Variants in KCNH8 observed in about 807,000 individuals in gnomAD.
KCNH8 encodes potassium voltage-gated channel subfamily H member 8.
Under a neutral mutation model 103.6 loss-of-function variants are expected in KCNH8, and 70 were observed. The ratio of observed to expected loss-of-function variants is 0.68; its 90% confidence interval spans 0.56 to 0.82. The LOEUF is 0.82. Ranked by LOEUF, KCNH8 falls within the 40% of genes least tolerant of loss-of-function variation. The pLI, the probability that KCNH8 is intolerant of heterozygous loss-of-function variation, is 0.00. For missense variants in KCNH8, 1,217 were observed against 1,329.9 expected (o/e 0.92, Z 1.32); for synonymous variants, 498 against 489.4 (o/e 1.02, Z -0.23).
intron 11 of KCNH8, among the ~76,000 whole-genome samples, chr3:19,487,846 G>T (rs1219621650): frequency 1.3e-5 from 2 of 152,148 alleles, no homozygotes; most frequent in African/African-American, 4.8e-5. Flanking sequence ...GCATGTACAA[G>T]AACTGGTGAA....
chr3:19,161,760 T>C (rs1217808084), intron 1 of KCNH8, among the ~76,000 whole-genome samples: 1 of 152,226 alleles, frequency 6.6e-6, no homozygotes. Flanking sequence ...TCTAAATTAA[T>C]AAAATGTATG....
chr3:19,462,044 T>G (rs192218479), intron 11 of KCNH8, among the ~76,000 whole-genome samples: 2 of 152,200 alleles, frequency 1.3e-5, no homozygotes, highest in Non-Finnish European at 2.9e-5. Context: ...TCTATCATTG[T>G]TGGACATTTG....
At chr3:19,490,599 T>C (rs867209135) in intron 11 of KCNH8, among the ~76,000 whole-genome samples, 3 of 152,230 alleles carry the variant, frequency 2.0e-5, no homozygotes, top group Middle Eastern at 3.4e-3. Context: ...TGGCACCGGG[T>C]TGTCTGCCTG....
chr3:19,239,685 C>CTATGTAT (rs2064113626), intron 1 of KCNH8, among the ~76,000 whole-genome samples: 1 of 127,190 alleles, frequency 7.9e-6, no homozygotes, highest in African/African-American at 3.2e-5. Context: ...TATCTATCTA[C>CTATGTAT]CTACCTACCT....
At chr3:19,332,515 A>G (rs1394054768) in intron 3 of KCNH8, among the ~76,000 whole-genome samples, 1 of 152,112 alleles carries the variant, frequency 6.6e-6, no homozygotes, top group Non-Finnish European at 1.5e-5. Flanking sequence ...ACATGCTTTC[A>G]TTTCTCTGGG....
At chr3:19,527,098 C>T (rs1461078129) in intron 15 of KCNH8, among the ~76,000 whole-genome samples, 1 of 151,978 alleles carries the variant, frequency 6.6e-6, no homozygotes, top group South Asian at 2.1e-4. Context: ...CTGAATGCAG[C>T]TGCTCAAACT....
intron 1 of KCNH8, among the ~76,000 whole-genome samples, chr3:19,152,686 A>G (rs2063142325): frequency 1.3e-5 from 2 of 152,256 alleles, no homozygotes; most frequent in Admixed American, 1.3e-4. Flanking sequence ...CTGTAATCCC[A>G]GCACTTTGGG....
At chr3:19,525,006 T>A (rs539516830) in intron 15 of KCNH8, among the ~76,000 whole-genome samples, 2 of 151,982 alleles carry the variant, frequency 1.3e-5, no homozygotes, top group Admixed American at 1.3e-4. Context: ...TGCTCTTTTG[T>A]TTTGTAGTGA....
Position 19,390,598 on chromosome 3 carries a change from C to T in KCNH8, c.929C>T (p.Ala310Val). 6.2e-7 allele frequency: 1 copy of T among 1,613,366 alleles called. No homozygotes were observed. ...TTWFIIDLIA[A>V]LPFDLLYAFN... ...TGGTTCATCATTGATTTAATCGCTG[C>T]CCTGCCTTTTGATCTTCTGTATGCT... Residue 310 changes from alanine to valine, a missense_variant, in exon 6 of 16, where the codon GCC becomes GTC. By Grantham distance (64) the Ala-to-Val change is moderately conservative. Around this residue, in one of 3 missense-constraint regions of KCNH8, gnomAD observed 415 missense variants for 577.4 expected, o/e 0.72. Transcript: ENST00000328405.
intron 1 of KCNH8, among the ~76,000 whole-genome samples, chr3:19,186,550 AG>A (rs1430626849): frequency 6.6e-6 from 1 of 152,020 alleles, no homozygotes. Context: ...TAAGAGGTGG[AG>A]GCAGGGAGAA....
At chr3:19,453,635 T>C (rs1485582051) in intron 10 of KCNH8, among the ~76,000 whole-genome samples, 1 of 152,046 alleles carries the variant, frequency 6.6e-6, no homozygotes, top group African/African-American at 2.4e-5. Context: ...AAGAGGTGAA[T>C]AGGTGATGAG....
At chr3:19,469,438 G>GT (rs1266146525) in intron 11 of KCNH8, among the ~76,000 whole-genome samples, 3 of 151,958 alleles carry the variant, frequency 2.0e-5, no homozygotes, top group South Asian at 2.1e-4. Context: ...TGCTGTTGTT[G>GT]TTTTTTGTTT....
chr3:19,515,452 C>A, intron 14 of KCNH8, 24 bp downstream of exon 14: 1 of 1,211,324 alleles, frequency 8.3e-7, no homozygotes, highest in South Asian at 1.6e-5. Context: ...TTAGTCTTCT[C>A]CTAAGGTAAA....
At chr3:19,206,847 G>A (rs1388483818) in intron 1 of KCNH8, among the ~76,000 whole-genome samples, 3 of 152,170 alleles carry the variant, frequency 2.0e-5, no homozygotes, top group Admixed American at 6.6e-5. Flanking sequence ...AATTTAGAGA[G>A]AAAAGCCTGC....
chr3:19,415,340 C>T (rs778524042), intron 7 of KCNH8, among the ~76,000 whole-genome samples: 29 of 150,528 alleles, frequency 1.9e-4, no homozygotes, highest in South Asian at 2.1e-4. Context: ...CACAATCACA[C>T]AGATAGTATA....
intron 15 of KCNH8, among the ~76,000 whole-genome samples, chr3:19,518,605 A>G (rs1337521681): frequency 3.9e-5 from 6 of 151,990 alleles, no homozygotes; most frequent in Non-Finnish European, 8.8e-5. Flanking sequence ...ATATTTATAT[A>G]TCATAAAATT....
intron 11 of KCNH8, among the ~76,000 whole-genome samples, chr3:19,475,980 T>C (rs1012620108): frequency 1.3e-5 from 2 of 152,166 alleles, no homozygotes; most frequent in South Asian, 2.1e-4. Flanking sequence ...TATAAGAAGA[T>C]TGGCCATACG....
intron 15 of KCNH8, among the ~76,000 whole-genome samples, chr3:19,519,441 T>C (rs1257618145): frequency 6.6e-6 from 1 of 151,598 alleles, no homozygotes; most frequent in African/African-American, 2.4e-5. Context: ...CCTGTGTTTC[T>C]TCAGCTTCGT....
chr3:19,179,829 A>G (rs969114413), intron 1 of KCNH8, among the ~76,000 whole-genome samples: 1 of 152,122 alleles, frequency 6.6e-6, no homozygotes, highest in African/African-American at 2.4e-5. Context: ...TAAAGATGGA[A>G]ATTATGTAAA....
Sources: allele counts gnomAD v4.1 joint callset (sites outside exome capture counted in the v4.1 genomes callset), GRCh38; gene constraint gnomAD v4.1.1; regional missense constraint gnomAD v4.1.1; transcripts MANE v1.5; gene names NCBI Gene and HGNC (gene_info 2026-07-23, HGNC 2026-07-21).